IQGAP2: variants seen among roughly 807,000 people sequenced by gnomAD.
IQGAP2 encodes ras GTPase-activating-like protein IQGAP2.
IQGAP2 carries 173 observed loss-of-function variants against 201.3 expected under a neutral mutation model. That is an observed-to-expected ratio of 0.86 (90% CI 0.76 to 0.98). The LOEUF (loss-of-function observed/expected upper bound fraction) is 0.98, where lower values mean the gene tolerates loss of function less well. Among genes scored for constraint, IQGAP2 ranks in the 50% least tolerant of loss-of-function variants. IQGAP2 has a pLI of 0.00. For synonymous variants in IQGAP2, 675 were observed against 673.9 expected, an observed-to-expected ratio of 1.00 and a Z score of -0.03; for missense variants, 1,687 against 1,864.8, an observed-to-expected ratio of 0.90 and a Z score of 1.76.
At chr5:76,517,715 G>T (rs1758422481) in intron 2 of IQGAP2, among the ~76,000 whole-genome samples, 1 of 152,010 alleles carries the variant, frequency 6.6e-6, no homozygotes, top group South Asian at 2.1e-4. Flanking sequence ...GAGTTGGGTA[G>T]CAACAACTAG....
At chr5:76,415,942 C>CA (rs11394699) in intron 1 of IQGAP2, among the ~76,000 whole-genome samples, 28,673 of 135,614 alleles carry the variant, frequency 0.21, 3,944 homozygotes, top group East Asian at 0.41. Context: ...GTAACTGTCT[C>CA]AAAAAAAAAA....
intron 2 of IQGAP2, among the ~76,000 whole-genome samples, chr5:76,540,391 T>A (rs1742680635): frequency 6.6e-6 from 1 of 152,050 alleles, no homozygotes; most frequent in Non-Finnish European, 1.5e-5. Flanking sequence ...AACTAGATCA[T>A]CCAGGGGAAG....
At chr5:76,531,227 A>G (rs1027746705) in intron 2 of IQGAP2, among the ~76,000 whole-genome samples, 1 of 152,178 alleles carries the variant, frequency 6.6e-6, no homozygotes, top group Non-Finnish European at 1.5e-5. Flanking sequence ...GGGGCAGAAG[A>G]GAGAGAACCT....
Position 76,496,766 on chromosome 5 carries a change from TTTC to T in IQGAP2, c.146+35100_146+35102del, listed in dbSNP as rs1480449031. On this transcript the variant is annotated intron_variant, in intron 2 of 35. Coordinates refer to ENST00000274364, the MANE Select transcript of IQGAP2 (RefSeq NM_006633.5). Reference sequence around the variant, plus strand: ...CTTTCTTTCTTTCTTTCTTTCTTTCTTTCTTTCTTTCTTTCTTTCTTTCTTTCT... The same window carrying T: ...CTTTCTTTCTTTCTTTCTTTCTTTCTTTTCTTTCTTTCTTTCTTTCTTTCT... 2.0e-3 allele frequency among the ~76,000 whole-genome samples: 176 copies of T among 86,018 alleles called. 3 individuals carry two copies. Among genetic ancestry groups the T allele is most frequent in the Non-Finnish European group, 2.6e-3 (118 of 46,006 alleles). The allele number at this position is 86,018 out of a possible 152,430, so 56.4% of individuals were successfully genotyped here. A position where few individuals can be genotyped will look rare whatever the true frequency, so the allele number is the denominator to read the frequency against.
intron 8 of IQGAP2, 84 bp from the exon 9 acceptor site, chr5:76,592,754 A>G: frequency 1.1e-6 from 1 of 894,440 alleles, no homozygotes; most frequent in Non-Finnish European, 1.9e-6. Context: ...GGTTTTTGTC[A>G]CTCTTCACAT....
In IQGAP2 at chr5:76,477,042, A is replaced by G. The variant is rs1339251556; in HGVS notation, c.146+15373A>G. Among the ~76,000 whole-genome samples, 5 of 152,266 alleles carry G rather than the reference A, an allele frequency of 3.3e-5. No individual in the cohort carries two copies. The East Asian group carries it at 9.7e-4, about 29-fold the overall frequency. ...CATGAACCACTGTGTTGATTTTATG[A>G]TCCGTTAAAACATTACAGGTCAGGC... On this transcript the variant is annotated intron_variant, in intron 2 of 35. Coordinates refer to ENST00000274364, the MANE Select transcript of IQGAP2 (RefSeq NM_006633.5).
At position 76,695,520 on chromosome 5, in the gene IQGAP2, A is replaced by T; in HGVS notation, c.4060A>T (p.Lys1354Ter). The T allele has an allele frequency of 1.9e-6, 3 of 1,614,188 alleles. No individual in the cohort carries two copies. The highest frequency in any genetic ancestry group is 2.5e-6 in the Non-Finnish European group (3 of 1,180,002). Reference protein sequence around the residue: ...MIDSRTPEEMKHSQSMIEDAQ... With the variant: ...MIDSRTPEEM ...AGATTCCAGGACTCCAGAAGAAATG[A>T]AGCATAGCCAATCTATGATTGAAGA... The change falls in exon 32 of 36, where the codon AAG (lysine) becomes TAG (stop). Residue 1354 changes from lysine to a stop codon, truncating the protein, a stop_gained. Transcript: ENST00000274364. LOFTEE classifies it high-confidence loss of function.
Position 76,524,372 on chromosome 5 carries a change from T to A in IQGAP2, c.147-38024T>A, listed in dbSNP as rs1026361265. Among the ~76,000 whole-genome samples, 26 of 152,212 alleles carry A rather than the reference T, an allele frequency of 1.7e-4. 1 individual carries two copies. Among genetic ancestry groups the A allele is most frequent in the Admixed American group, 2.6e-4 (4 of 15,266 alleles). On this transcript the variant is annotated intron_variant, in intron 2 of 35. Transcript: ENST00000274364. ...CTGGTAAAGCCATTTAAGAGTTTTT[T>A]AAATAACAATTTAGGGACTGTAGTA...
At chr5:76,540,815 G>T (rs1393084717) in intron 2 of IQGAP2, among the ~76,000 whole-genome samples, 3 of 152,124 alleles carry the variant, frequency 2.0e-5, no homozygotes, top group African/African-American at 7.2e-5. Context: ...ATGGCCCCGG[G>T]GAAGATTCCT....
intron 1 of IQGAP2, among the ~76,000 whole-genome samples, chr5:76,436,835 T>C (rs1561370639): frequency 6.6e-6 from 1 of 151,642 alleles, no homozygotes; most frequent in Non-Finnish European, 1.5e-5. Context: ...GCCAATCGTA[T>C]GGTTTTGTAT....
chr5:76,604,669 C>T lies in IQGAP2; in HGVS notation c.1233-1510C>T, dbSNP rs143730577. On this transcript the variant is annotated intron_variant, in intron 11 of 35. Coordinates refer to ENST00000274364, the MANE Select transcript of IQGAP2 (RefSeq NM_006633.5). ...GTATGGGATGCCCATAAGGACTTTGCGCTTTTGGAATGGTCTCCATCTGTG... is the reference window on the plus strand; with the variant it reads ...GTATGGGATGCCCATAAGGACTTTGTGCTTTTGGAATGGTCTCCATCTGTG... Among the ~76,000 whole-genome samples the T allele has an allele frequency of 8.7e-4, 133 of 152,208 alleles. 2 individuals are homozygous for T. In the South Asian group the frequency reaches 0.015, roughly 17 times the overall value.
intron 9 of IQGAP2, among the ~76,000 whole-genome samples, chr5:76,594,247 G>T (rs781377026): frequency 5.3e-5 from 8 of 152,224 alleles, no homozygotes; most frequent in Non-Finnish European, 1.2e-4. Context: ...TGTTGCCAGT[G>T]AGACATCTGA....
rs556524559 is a variant in IQGAP2 at position 76,685,645 on chromosome 5, C to T, written c.3905+1728C>T. 1.3e-4 allele frequency among the ~76,000 whole-genome samples: 20 copies of T among 152,234 alleles called. 3 individuals are homozygous for T. The highest frequency in any genetic ancestry group is 4.8e-4 in the African/African-American group (20 of 41,532). ...AGCCTGGGAAACCTGGGACATTGTC[C>T]TGTTTGCCTTACCCATTACCCAGCC... On this transcript the variant is annotated intron_variant, in intron 30 of 35. Coordinates refer to ENST00000274364, the MANE Select transcript of IQGAP2 (RefSeq NM_006633.5).
At chr5:76,543,464 C>T in intron 2 of IQGAP2, among the ~76,000 whole-genome samples, 1 of 152,210 alleles carries the variant, frequency 6.6e-6, no homozygotes, top group East Asian at 1.9e-4. Context: ...CTTGCCTTCA[C>T]TCTCAGGCAT....
chr5:76,543,001 G>C (rs923782177), intron 2 of IQGAP2, among the ~76,000 whole-genome samples: 2 of 152,190 alleles, frequency 1.3e-5, no homozygotes, highest in African/African-American at 4.8e-5. Flanking sequence ...CATGTCTGTG[G>C]TCAGGAAATA....
chr5:76,649,651 G>A (rs2455214), intron 17 of IQGAP2, among the ~76,000 whole-genome samples: 76,180 of 151,768 alleles, frequency 0.5, 19,530 homozygotes, highest in Non-Finnish European at 0.56. Context: ...TTCCAGGCAC[G>A]TGGTACAAGC....
intron 2 of IQGAP2, among the ~76,000 whole-genome samples, chr5:76,480,974 G>A (rs1755751026): frequency 6.6e-6 from 1 of 152,176 alleles, no homozygotes. Flanking sequence ...TCTTGTAGCT[G>A]CATCCTCCGT....
At chr5:76,593,680 G>A (rs756446458) in intron 9 of IQGAP2, among the ~76,000 whole-genome samples, 2 of 152,086 alleles carry the variant, frequency 1.3e-5, no homozygotes, top group Non-Finnish European at 2.9e-5. Flanking sequence ...GGTCAATCTA[G>A]ATAATCCATA....
At chr5:76,551,723 G>A (rs967290622) in intron 2 of IQGAP2, among the ~76,000 whole-genome samples, 2 of 152,016 alleles carry the variant, frequency 1.3e-5, no homozygotes, top group Non-Finnish European at 2.9e-5. Flanking sequence ...GCGTGGCTGC[G>A]CGTGCCTGCA....
Sources: gnomAD v4.1 joint callset for allele counts (sites outside exome capture counted in the v4.1 genomes callset) on GRCh38, gnomAD v4.1.1 for gene constraint, MANE v1.5 for transcripts, NCBI Gene and HGNC (gene_info 2026-07-23, HGNC 2026-07-21) for gene names.